Variants in SERINC2 observed in about 807,000 individuals in gnomAD.
SERINC2 encodes the protein serine incorporator 2.
A neutral mutation model predicts 54.2 loss-of-function variants in SERINC2; 56 were observed. The ratio of observed to expected loss-of-function variants is 1.03; its 90% CI spans 0.83 to 1.29. SERINC2 has a LOEUF of 1.29. Among genes scored for constraint, SERINC2 ranks in the 50% most tolerant of loss-of-function variants. SERINC2 has a pLI of 0.00. For synonymous variants in SERINC2, 272 were observed against 253.1 expected, an observed-to-expected ratio of 1.07 and a Z score of -0.71; for missense variants, 614 against 607.4, an observed-to-expected ratio of 1.01 and a Z score of -0.12.
In SERINC2 at chr1:31,434,510, G is replaced by C. The variant is rs782486080; in HGVS notation, c.*311G>C. The stretch of plus-strand genomic sequence containing the variant: ...GCTCCCTTGTCCTCAGGCTCCACGG[G>C]AGCGGGGCTGCTGGAGAGAGCGGGG... On this transcript the variant is annotated 3_prime_UTR_variant, in exon 10 of 10. Coordinates refer to ENST00000373709, the MANE Select transcript of SERINC2 (RefSeq NM_178865.5). 4 of 375,748 alleles carry C rather than the reference G, an allele frequency of 1.1e-5. No homozygotes were observed. The highest frequency in any genetic ancestry group is 4.3e-5 in the Admixed American group (1 of 23,176). 23.3% of individuals were successfully genotyped at this position (375,748 alleles called of 1,614,324 possible).
rs1557500936 is a variant in SERINC2 at position 31,432,068 on chromosome 1, GGGTGGACAGGGTGGTT to G, written c.1014-898_1014-883del. Among the ~76,000 whole-genome samples, 26 of 134,202 alleles carry G rather than the reference GGGTGGACAGGGTGGTT, an allele frequency of 1.9e-4. 1 individual carries two copies. The highest frequency in any genetic ancestry group is 5.1e-4 in the Admixed American group (7 of 13,638). The allele number at this position is 134,202 out of a possible 152,430, so 88.0% of individuals were successfully genotyped here. A position where few individuals can be genotyped will look rare whatever the true frequency, so the allele number is the denominator to read the frequency against. ...GTGGACAGGGTGGACAGGGTGGACA[GGGTGGACAGGGTGGTT>G]AGGGTGGACAGGGTGGACAGGGTGG... On this transcript the variant is annotated intron_variant, in intron 8 of 9. Coordinates refer to ENST00000373709, the MANE Select transcript of SERINC2 (RefSeq NM_178865.5).
chr1:31,413,735 TGG>T lies in SERINC2; in HGVS notation c.39+432_39+433del. 7.4e-7 allele frequency: 1 copy of T among 1,342,474 alleles called. No individual in the cohort carries two copies. The allele number at this position is 1,342,474 out of a possible 1,614,324, so 83.2% of individuals were successfully genotyped here. A position where few individuals can be genotyped will look rare whatever the true frequency, so the allele number is the denominator to read the frequency against. ...TAGGTCGCCCGGGCCCCGTCCCTCC[TGG>T]CGAGTGCCCTGCCCTACCCCTCTGG... On this transcript the variant is annotated intron_variant, in intron 1 of 9. Transcript: ENST00000373709. The surrounding 1 kb of genome is among the most constrained non-coding windows in gnomAD (Gnocchi z 5.0).
chr1:31,423,649 G>A, intron 1 of SERINC2, 44 bp from the exon 2 acceptor site: 1 of 1,589,088 alleles, frequency 6.3e-7, no homozygotes, highest in Non-Finnish European at 8.5e-7. Context: ...GTGCGCGCTT[G>A]GGCGGTGAAG....
upstream of SERINC2, among the ~76,000 whole-genome samples, chr1:31,411,375 C>T (rs1033844469): frequency 3.3e-5 from 5 of 152,128 alleles, no homozygotes; most frequent in East Asian, 1.9e-4. Context: ...GTTTATTCGA[C>T]GCTTGATTTA....
Position 31,423,823 on chromosome 1 carries a change from T to C in SERINC2, c.170T>C (p.Leu57Pro). 1 of 1,614,074 alleles carries C rather than the reference T, an allele frequency of 6.2e-7. No individual in the cohort carries two copies. Among genetic ancestry groups the C allele is most frequent in the Non-Finnish European group, 8.5e-7 (1 of 1,180,012 alleles). Residue 57 changes from leucine to proline, a missense_variant, in exon 2 of 10, where the codon CTG becomes CCG. Coordinates refer to ENST00000373709, the MANE Select transcript of SERINC2 (RefSeq NM_178865.5). The stretch of plus-strand genomic sequence containing the variant: ...GGGGTGCTGGTGTCCATCATTATGC[T>C]GAGCCCGGGCGTGGAGAGTCAGCTC... ...FLGVLVSIIM[L>P]SPGVESQLYK...
At chr1:31,410,400 C>T, upstream of SERINC2, 1 of 1,547,674 alleles carries the variant, frequency 6.5e-7, no homozygotes, top group Non-Finnish European at 8.7e-7. Flanking sequence ...AAGCATGAGG[C>T]TGAGAGAGGA....
At chr1:31,411,874 A>G (rs1193920351), upstream of SERINC2, among the ~76,000 whole-genome samples, 1 of 151,824 alleles carries the variant, frequency 6.6e-6, no homozygotes, top group Non-Finnish European at 1.5e-5. Context: ...GGTAGTACAC[A>G]CTGGTGGTCA....
chr1:31,414,176 A>G, intron 1 of SERINC2: 1 of 1,401,284 alleles, frequency 7.1e-7, no homozygotes, highest in East Asian at 3.0e-5. Flanking sequence ...ACCTGTGGGG[A>G]GGCCAACCTC....
At chr1:31,431,859 T>C (rs148018238) in intron 8 of SERINC2, among the ~76,000 whole-genome samples, 311 of 24,566 alleles carry the variant, frequency 0.013, no homozygotes, top group Middle Eastern at 0.083. Flanking sequence ...ATAGGGTGGA[T>C]AGGGTGGATA....
chr1:31,419,624 T>G lies in SERINC2; in HGVS notation c.40-4069T>G, dbSNP rs541045460. Among the ~76,000 whole-genome samples, 3 of 152,200 alleles carry G rather than the reference T, an allele frequency of 2.0e-5. No homozygotes were observed. In the East Asian group the frequency reaches 5.8e-4, roughly 29 times the overall value. On this transcript the variant is annotated intron_variant, in intron 1 of 9. Transcript: ENST00000373709. ...GGGAGGATCCCTTGAGCCCAGGAGT[T>G]CAAGACCAGCCTGGCCAACATGAGA...
In SERINC2 at chr1:31,429,530, C is replaced by G. The variant is rs782655818; in HGVS notation, c.1005C>G (p.Leu335=). The G allele has an allele frequency of 2.4e-5, 39 of 1,609,314 alleles. No homozygotes were observed. Among genetic ancestry groups the G allele is most frequent in the Non-Finnish European group, 3.1e-5 (37 of 1,177,348 alleles). ...TCATCATCTTCCTCCTGTGCACCCT[C>G]TTCATCAGGTATGGCCAGGTCTGGA... ...VGLIIFLLCT[L]FISLRSSDHR... The change falls in exon 8 of 10, where the codon CTC becomes CTG. Residue 335 remains leucine (L), a synonymous_variant. Coordinates refer to ENST00000373709, the MANE Select transcript of SERINC2 (RefSeq NM_178865.5).
At chr1:31,430,885 G>T (rs963076320) in intron 8 of SERINC2, among the ~76,000 whole-genome samples, 1 of 152,058 alleles carries the variant, frequency 6.6e-6, no homozygotes, top group Non-Finnish European at 1.5e-5. Flanking sequence ...TGATCTCCCC[G>T]ATCCATCCAT....
At chr1:31,420,938 G>C (rs1334290566) in intron 1 of SERINC2, among the ~76,000 whole-genome samples, 1 of 152,134 alleles carries the variant, frequency 6.6e-6, no homozygotes, top group Non-Finnish European at 1.5e-5. Flanking sequence ...TTCCACGTCT[G>C]TAAAATGGGA....
chr1:31,422,911 C>T (rs1640937050), intron 1 of SERINC2, among the ~76,000 whole-genome samples: 1 of 152,176 alleles, frequency 6.6e-6, no homozygotes, highest in Non-Finnish European at 1.5e-5. Context: ...AGGGTTAGAC[C>T]GCCACCTGCT....
At chr1:31,422,298 C>CA (rs112581286) in intron 1 of SERINC2, among the ~76,000 whole-genome samples, 119,885 of 136,190 alleles carry the variant, frequency 0.88, 53,507 homozygotes, top group Non-Finnish European at 0.97. Context: ...GACCCTGTCT[C>CA]AAAAAAAAAA....
In SERINC2 at chr1:31,425,397, T is replaced by C; in HGVS notation, c.460T>C (p.Ser154Pro). Residue 154 changes from serine (S) to proline (P), a missense_variant, in exon 4 of 10, where the codon TCC becomes CCC. Transcript: ENST00000373709. ...TVGAFYIPDGSFTNIWFYFGV... is the reference protein window; with the variant it reads ...TVGAFYIPDGPFTNIWFYFGV... ...GGGTGCCTTCTACATTCCTGACGGC[T>C]CCTTCACCAACAGTAGGCGGACTTG... The C allele has an allele frequency of 6.2e-7, 1 of 1,610,374 alleles. No individual in the cohort carries two copies.
Position 31,413,903 on chromosome 1 carries a change from G to GCCCGTCCGTCCC in SERINC2, c.39+599_39+600insCCCGTCCGTCCC. ...TGTCCGTCTGCCCGTCCGCCCGTCCGTCCCTCAGTCTCTCTGCGGTCCCTT... is the reference window on the plus strand; with the variant it reads ...TGTCCGTCTGCCCGTCCGCCCGTCCGCCCGTCCGTCCCTCCCTCAGTCTCTCTGCGGTCCCTT... On this transcript the variant is annotated intron_variant, in intron 1 of 9. Transcript: ENST00000373709. This position sits in a 1 kb window ranked among gnomAD's most constrained non-coding sequence, Gnocchi z 5.0. The GCCCGTCCGTCCC allele has an allele frequency of 6.9e-7, 1 of 1,454,906 alleles. No individual in the cohort carries two copies. The highest frequency in any genetic ancestry group is 9.0e-7 in the Non-Finnish European group (1 of 1,112,314). 90.1% of individuals were successfully genotyped at this position (1,454,906 alleles called of 1,614,324 possible). A position where few individuals can be genotyped will look rare whatever the true frequency, so the allele number is the denominator to read the frequency against.
chr1:31,432,232 G>GTGGATAGGGTGGAC (rs1557501873), intron 8 of SERINC2, among the ~76,000 whole-genome samples: 1 of 151,480 alleles, frequency 6.6e-6, no homozygotes, highest in Non-Finnish European at 1.5e-5. Context: ...GGTGGATAGG[G>GTGGATAGGGTGGAC]ACCCACTGAC....
At position 31,432,973 on chromosome 1, in the gene SERINC2, C is replaced by G. The variant is rs782052030; in HGVS notation, c.1020C>G (p.Arg340=). ...CTTCCTCCCTCCCCTGCAGTCTGCG[C>G]TCCTCAGACCACCGGCAGGTGAACA... ...FLLCTLFISL[R]SSDHRQVNSL... Residue 340 remains arginine (R), a synonymous_variant, in exon 9 of 10, where the codon CGC becomes CGG. Coordinates refer to ENST00000373709, the MANE Select transcript of SERINC2 (RefSeq NM_178865.5). The G allele has an allele frequency of 6.2e-7, 1 of 1,609,872 alleles. No individual in the cohort carries two copies. The highest frequency in any genetic ancestry group is 1.7e-5 in the Admixed American group (1 of 59,634).
Sources: allele counts gnomAD v4.1 joint callset (sites outside exome capture counted in the v4.1 genomes callset), GRCh38; gene constraint gnomAD v4.1.1; non-coding constraint Gnocchi (gnomAD v3.1); transcripts MANE v1.5; gene names NCBI Gene and HGNC (gene_info 2026-07-23, HGNC 2026-07-21).